Variants in AVEN observed in about 807,000 individuals in gnomAD.
AVEN encodes apoptosis and caspase activation inhibitor, also known as cell death regulator Aven.
Under a neutral mutation model 38.1 loss-of-function variants are expected in AVEN, and 41 were observed. The ratio of observed to expected loss-of-function variants is 1.08; its 90% confidence interval spans 0.84 to 1.40. AVEN has a LOEUF of 1.40. Among genes scored for constraint, AVEN ranks in the 40% most tolerant of loss-of-function variants. The pLI, the probability that AVEN is intolerant of heterozygous loss-of-function variation, is 0.00. For missense variants in AVEN, 605 were observed against 438.8 expected (o/e 1.38, Z -3.38); for synonymous variants, 206 against 171.8 (o/e 1.20, Z -1.56).
intron 1 of AVEN, among the ~76,000 whole-genome samples, chr15:34,029,331 G>C (rs1404022861): frequency 6.6e-6 from 1 of 151,920 alleles, no homozygotes; most frequent in African/African-American, 2.4e-5. Context: ...ATAACACCTG[G>C]CCACATCTTA....
chr15:34,036,549 A>G (rs751262176), intron 1 of AVEN, among the ~76,000 whole-genome samples: 11 of 152,192 alleles, frequency 7.2e-5, no homozygotes, highest in Non-Finnish European at 1.3e-4. Context: ...GTAATGGTTA[A>G]GCACCAAAAA....
downstream of AVEN, chr15:33,865,228 T>TCTGAATCAAAGAAGCGCGA (rs1257711255): frequency 1.2e-6 from 2 of 1,608,860 alleles, no homozygotes; most frequent in Non-Finnish European, 1.7e-6. Context: ...CTTGGATAAA[T>TCTGAATCAAAGAAGCGCGA]CTGAATCAAA....
At chr15:33,923,430 C>T (rs1158782110) in intron 2 of AVEN, among the ~76,000 whole-genome samples, 3 of 152,156 alleles carry the variant, frequency 2.0e-5, no homozygotes, top group Admixed American at 6.5e-5. Context: ...AATTACAAGA[C>T]GTGGAATTGT....
rs1464260037 is a variant in AVEN, at chr15:34,038,903, G to A, written c.144C>T (p.Gly48=). 2.6e-5 allele frequency: 29 copies of A among 1,124,878 alleles called. No individual in the cohort carries two copies. Among genetic ancestry groups the A allele is most frequent in the Non-Finnish European group, 3.0e-5 (28 of 924,524 alleles). The allele number at this position is 1,124,878 out of a possible 1,614,324, so 69.7% of individuals were successfully genotyped here. A position where few individuals can be genotyped will look rare whatever the true frequency, so the allele number is the denominator to read the frequency against. Reference sequence around the variant, plus strand: ...GGCCACGGCCACGGCCCCGGCGTCCGCCTCCGTCCCCGCCGCCGCCTCCGC... The same window carrying A: ...GGCCACGGCCACGGCCCCGGCGTCCACCTCCGTCCCCGCCGCCGCCTCCGC... ...GGGGGGGGDG[G]GRRGRGRGRG... is the part of the protein sequence containing the mutation. The change falls in exon 1 of 6, where the codon GGC becomes GGT. Residue 48 remains glycine, a synonymous_variant. Coordinates refer to ENST00000306730, the MANE Select transcript of AVEN (RefSeq NM_020371.3).
intron 2 of AVEN, among the ~76,000 whole-genome samples, chr15:33,987,221 T>C (rs1035706004): frequency 6.6e-6 from 1 of 152,246 alleles, no homozygotes; most frequent in Non-Finnish European, 1.5e-5. Context: ...ACTAAGAATG[T>C]ACAATGCAGT....
intron 2 of AVEN, among the ~76,000 whole-genome samples, chr15:33,908,325 T>A (rs1892787329): frequency 2.6e-5 from 1 of 38,518 alleles, no homozygotes; most frequent in Non-Finnish European, 9.0e-5. Flanking sequence ...TAAGAAGCCA[T>A]CACCTTTGTG....
intron 2 of AVEN, among the ~76,000 whole-genome samples, chr15:33,929,924 C>G (rs753971345): frequency 4.6e-5 from 7 of 152,110 alleles, no homozygotes; most frequent in Non-Finnish European, 1.0e-4. Context: ...CTATGATAAC[C>G]GGCTGATGAA....
At chr15:33,854,818 A>G (rs778736021), downstream of AVEN, 65 of 1,613,754 alleles carry the variant, frequency 4.0e-5, no homozygotes, top group Non-Finnish European at 5.0e-5. Context: ...GGCCACTACA[A>G]TAACTTCTTC....
At chr15:33,980,040 A>G (rs1481941870) in intron 2 of AVEN, among the ~76,000 whole-genome samples, 1 of 152,250 alleles carries the variant, frequency 6.6e-6, no homozygotes, top group Non-Finnish European at 1.5e-5. Context: ...AAGAATGAGA[A>G]TAACAAGGGA....
chr15:33,968,040 G>A (rs991140850), intron 2 of AVEN, among the ~76,000 whole-genome samples: 1 of 115,448 alleles, frequency 8.7e-6, no homozygotes, highest in African/African-American at 3.0e-5. Context: ...CCATCTTTAG[G>A]GAAAACCATA....
At chr15:33,861,869 C>T (rs1419514471), downstream of AVEN, among the ~76,000 whole-genome samples, 1 of 152,100 alleles carries the variant, frequency 6.6e-6, no homozygotes, top group Admixed American at 6.5e-5. Context: ...AGGTGATCTG[C>T]CTGCCTCGGC....
At chr15:33,949,726 T>C (rs1894660179) in intron 2 of AVEN, among the ~76,000 whole-genome samples, 1 of 152,176 alleles carries the variant, frequency 6.6e-6, no homozygotes, top group Non-Finnish European at 1.5e-5. Context: ...AATTTAATGA[T>C]ATGTAAATTA....
rs2153032287 is a variant in AVEN at position 33,866,361 on chromosome 15, A to AAGGGCC, written c.*246_*251dup. The AAGGGCC allele has an allele frequency of 1.9e-6, 1 of 518,746 alleles. No individual in the cohort carries two copies. The highest frequency in any genetic ancestry group is 2.8e-5 in the South Asian group (1 of 35,904). The allele number at this position is 518,746 out of a possible 1,614,324, so 32.1% of individuals were successfully genotyped here. On this transcript the variant is annotated 3_prime_UTR_variant, in exon 6 of 6. Coordinates refer to ENST00000306730, the MANE Select transcript of AVEN (RefSeq NM_020371.3). The stretch of plus-strand genomic sequence containing the variant: ...CACTGCAAGGAAGGAGGCTAGAAAC[A>AAGGGCC]AGGGCCAGAGTCTATCTCCTGCCCT...
At chr15:33,865,434 TGTC>T (rs1293252819), downstream of AVEN, 9 of 508,866 alleles carry the variant, frequency 1.8e-5, no homozygotes, top group African/African-American at 1.5e-4. Context: ...CCTGTCAAAA[TGTC>T]GAAGAAGGAA....
chr15:34,038,716 G>A, intron 1 of AVEN, 64 bp downstream of exon 1: 1 of 1,120,410 alleles, frequency 8.9e-7, no homozygotes, highest in Non-Finnish European at 1.1e-6. Context: ...CTCTTGACTG[G>A]CGGCCTCGGC....
rs374124380 is a variant in AVEN, at chr15:33,867,663, G to A, written c.805C>T (p.Gln269Ter). The A allele has an allele frequency of 2.5e-6, 4 of 1,614,176 alleles. No individual in the cohort carries two copies. In the African/African-American group the frequency reaches 5.3e-5, roughly 22 times the overall value. Residue 269 changes from glutamine to a stop codon, truncating the protein, a stop_gained, in exon 5 of 6, where the codon CAG becomes TAG. Transcript: ENST00000306730. LOFTEE classifies it high-confidence loss of function. ...NPSPGPSRDS[Q>*]KPTSPLQSAG... ...GACTGCAGTGGGGAAGTGGGTTTCT[G>A]AGAATCCCTTGAAGGACCCGGGCTT...
chr15:33,924,529 C>T (rs1050057305), intron 2 of AVEN, among the ~76,000 whole-genome samples: 5 of 152,032 alleles, frequency 3.3e-5, no homozygotes, highest in African/African-American at 1.2e-4. Flanking sequence ...GCCATGTTGC[C>T]CAGACTGGTC....
At chr15:33,895,356 C>A (rs1157161844) in intron 2 of AVEN, among the ~76,000 whole-genome samples, 4 of 151,268 alleles carry the variant, frequency 2.6e-5, no homozygotes, top group African/African-American at 9.7e-5. Context: ...GACAGGGCCC[C>A]ACTCTATTAC....
the AVEN span, chr15:33,851,837 T>C: frequency 6.6e-6 from 1 of 152,178 alleles, no homozygotes. Context: ...TCAATTTAAA[T>C]GCAGTGCATA....
Sources: allele counts gnomAD v4.1 joint callset (sites outside exome capture counted in the v4.1 genomes callset), GRCh38; gene constraint gnomAD v4.1.1; transcripts MANE v1.5; gene names NCBI Gene and HGNC (gene_info 2026-07-23, HGNC 2026-07-21).